FHIT: variants seen among roughly 807,000 people sequenced by gnomAD.
FHIT encodes the protein fragile histidine triad diadenosine triphosphatase, also known as bis(5'-adenosyl)-triphosphatase.
A neutral mutation model predicts 17.9 loss-of-function variants in FHIT; 19 were observed. The observed-to-expected ratio is 1.06, with a 90% confidence interval of 0.74 to 1.56. The LOEUF is 1.56. Among genes scored for constraint, FHIT ranks in the 40% most tolerant of loss-of-function variants. The probability of loss-of-function intolerance (pLI) is 0.00; values close to 1 mark genes in which losing one functional copy is unlikely to be tolerated. For missense variants in FHIT, 248 were observed against 189.2 expected (o/e 1.31, Z -1.82); for synonymous variants, 81 against 69.7 (o/e 1.16, Z -0.81).
In FHIT at chr3:60,894,369, A is replaced by G. The variant is rs112433200; in HGVS notation, c.-110-72358T>C. ...CACCCCGTCCTTTCCAAGGCATTCT[A>G]TGCTGCCTCAGGGATGCAAACAATT... On this transcript the variant is annotated intron_variant, in intron 3 of 9. Coordinates refer to ENST00000492590, the MANE Select transcript of FHIT (RefSeq NM_002012.4). 4.8e-4 allele frequency among the ~76,000 whole-genome samples: 73 copies of G among 152,316 alleles called. 2 individuals are homozygous for G. Among genetic ancestry groups the G allele is most frequent in the Middle Eastern group, 3.4e-3 (1 of 294 alleles).
intron 5 of FHIT, among the ~76,000 whole-genome samples, chr3:60,159,135 G>A (rs535075633): frequency 4.6e-5 from 7 of 152,160 alleles, no homozygotes; most frequent in African/African-American, 1.7e-4. Context: ...AGGGGAGGGG[G>A]TTTGAAAGAG....
chr3:60,451,760 A>C (rs2059562440), intron 5 of FHIT, among the ~76,000 whole-genome samples: 1 of 152,218 alleles, frequency 6.6e-6, no homozygotes, highest in South Asian at 2.1e-4. Context: ...GAAGCATTCC[A>C]AACTGAGCAT....
intron 4 of FHIT, among the ~76,000 whole-genome samples, chr3:60,549,177 T>C (rs1035360966): frequency 6.6e-6 from 1 of 152,216 alleles, no homozygotes; most frequent in African/African-American, 2.4e-5. Flanking sequence ...CTTCGTATAA[T>C]GCTTATCACA....
chr3:60,444,237 T>G (rs537488338), intron 5 of FHIT, among the ~76,000 whole-genome samples: 5 of 152,140 alleles, frequency 3.3e-5, no homozygotes, highest in Non-Finnish European at 1.5e-5. Context: ...CACTTTTACA[T>G]TGTTGGTGGG....
chr3:61,175,880 T>C (rs890022591), intron 2 of FHIT, among the ~76,000 whole-genome samples: 3 of 152,214 alleles, frequency 2.0e-5, no homozygotes, highest in African/African-American at 7.2e-5. Context: ...GTCTGTGATA[T>C]TTTGCTACAG....
At chr3:61,214,780 C>G (rs1421043608) in intron 1 of FHIT, among the ~76,000 whole-genome samples, 1 of 152,194 alleles carries the variant, frequency 6.6e-6, no homozygotes, top group Non-Finnish European at 1.5e-5. Flanking sequence ...CAAACCGAAT[C>G]CAGCAGCACA....
chr3:60,135,120 C>G (rs1699761246), intron 5 of FHIT, among the ~76,000 whole-genome samples: 1 of 152,018 alleles, frequency 6.6e-6, no homozygotes, highest in Non-Finnish European at 1.5e-5. Flanking sequence ...AGTGGATGGA[C>G]AACAGTGCCA....
intron 3 of FHIT, among the ~76,000 whole-genome samples, chr3:60,956,589 C>G (rs923150748): frequency 1.3e-5 from 2 of 152,198 alleles, no homozygotes; most frequent in Non-Finnish European, 1.5e-5. Context: ...GAAAAAGAAT[C>G]TAATTAACCC....
At chr3:59,981,222 T>G (rs1247437431) in intron 7 of FHIT, among the ~76,000 whole-genome samples, 1 of 152,188 alleles carries the variant, frequency 6.6e-6, no homozygotes, top group African/African-American at 2.4e-5. Flanking sequence ...TGCTTTAGAT[T>G]ATTCCTGAAT....
chr3:61,216,638 T>C (rs1004929100), intron 1 of FHIT, among the ~76,000 whole-genome samples: 4 of 152,224 alleles, frequency 2.6e-5, no homozygotes, highest in Non-Finnish European at 5.9e-5. Flanking sequence ...GCCATGCCAT[T>C]ACTGCGTATA....
chr3:60,512,115 C>T (rs2034972815), intron 5 of FHIT, among the ~76,000 whole-genome samples: 1 of 152,096 alleles, frequency 6.6e-6, no homozygotes, highest in Non-Finnish European at 1.5e-5. Context: ...CCAGAATCAC[C>T]AACAAATGCT....
intron 2 of FHIT, among the ~76,000 whole-genome samples, chr3:61,076,650 T>C (rs2034981128): frequency 6.6e-6 from 1 of 152,196 alleles, no homozygotes; most frequent in Admixed American, 6.5e-5. Flanking sequence ...GAAATAAACA[T>C]CTTGTGTATA....
chr3:61,155,449 T>A (rs996736405), intron 2 of FHIT, among the ~76,000 whole-genome samples: 1 of 152,286 alleles, frequency 6.6e-6, no homozygotes, highest in Non-Finnish European at 1.5e-5. Context: ...ACACCTACTA[T>A]TCTTTCTTGT....
chr3:60,602,826 A>G (rs939553825), intron 4 of FHIT, among the ~76,000 whole-genome samples: 6 of 152,170 alleles, frequency 3.9e-5, no homozygotes, highest in African/African-American at 1.4e-4. Flanking sequence ...TGTATAAAAA[A>G]GACCTCAGAG....
intron 4 of FHIT, among the ~76,000 whole-genome samples, chr3:60,621,600 G>C (rs1193698205): frequency 6.7e-6 from 1 of 150,152 alleles, no homozygotes; most frequent in African/African-American, 2.4e-5. Flanking sequence ...AAAAAAAAAA[G>C]ACTCCAGAAA....
chr3:60,586,286 A>C (rs1248032950), intron 4 of FHIT, among the ~76,000 whole-genome samples: 5 of 152,052 alleles, frequency 3.3e-5, no homozygotes, highest in East Asian at 1.9e-4. Context: ...ACCTCCCCCC[A>C]GTCTATTTGA....
intron 8 of FHIT, among the ~76,000 whole-genome samples, chr3:59,817,616 A>G (rs893204814): frequency 6.6e-6 from 1 of 151,776 alleles, no homozygotes; most frequent in African/African-American, 2.4e-5. Context: ...AAAAAGAAGA[A>G]CAAATTCAGA....
At position 60,005,420 on chromosome 3, in the gene FHIT, G is replaced by C. The variant is rs62238372; in HGVS notation, c.279+5951C>G. Reference sequence around the variant, plus strand: ...CCAGCCCCTTCTGCCTGGAGAGCTGGGGACTGGGGGTTTTGCCTCAAATCA... The same window carrying C: ...CCAGCCCCTTCTGCCTGGAGAGCTGCGGACTGGGGGTTTTGCCTCAAATCA... On this transcript the variant is annotated intron_variant, in intron 7 of 9. Transcript: ENST00000492590. 7.6e-3 allele frequency among the ~76,000 whole-genome samples: 1,150 copies of C among 152,220 alleles called. 5 individuals carry two copies. The highest frequency in any genetic ancestry group is 0.017 in the Middle Eastern group (5 of 294).
intron 3 of FHIT, among the ~76,000 whole-genome samples, chr3:61,014,808 A>AAAAAAAAAAAAAAAAAAAAAAAT (rs1156410696): frequency 3.7e-5 from 1 of 26,982 alleles, no homozygotes; most frequent in Non-Finnish European, 1.1e-4. Context: ...AAAAAAAAAA[A>AAAAAAAAAAAAAAAAAAAAAAAT]TATATATATA....
Sources: allele counts gnomAD v4.1 joint callset (sites outside exome capture counted in the v4.1 genomes callset), GRCh38; gene constraint gnomAD v4.1.1; transcripts MANE v1.5; gene names NCBI Gene and HGNC (gene_info 2026-07-23, HGNC 2026-07-21).